Variants in ZRANB3 observed in about 807,000 individuals in gnomAD.
ZRANB3 encodes zinc finger RANBP2-type containing 3, also known as DNA annealing helicase and endonuclease ZRANB3.
A neutral mutation model predicts 133.8 loss-of-function variants in ZRANB3; 125 were observed. That is an observed-to-expected ratio of 0.93 (90% confidence interval 0.81 to 1.08). The LOEUF is 1.08. Ranked by LOEUF, ZRANB3 falls within the 50% of genes least tolerant of loss-of-function variation. The pLI is 0.00. For missense variants in ZRANB3, 1,229 were observed against 1,275.5 expected (o/e 0.96, Z 0.56); for synonymous variants, 387 against 432.7 (o/e 0.89, Z 1.31).
chr2:135,508,746 T>C (rs1693310555), intron 1 of ZRANB3, among the ~76,000 whole-genome samples: 1 of 152,078 alleles, frequency 6.6e-6, no homozygotes, highest in Non-Finnish European at 1.5e-5. Flanking sequence ...TTATAGGATC[T>C]AAAGTAAAAA....
intron 6 of ZRANB3, among the ~76,000 whole-genome samples, chr2:135,323,616 T>TC (rs2104836912): frequency 6.6e-6 from 1 of 152,214 alleles, no homozygotes; most frequent in African/African-American, 2.4e-5. Flanking sequence ...TTGGAGATCA[T>TC]CCCATCGGTC....
chr2:135,459,307 T>C (rs974026926), intron 2 of ZRANB3, among the ~76,000 whole-genome samples: 4 of 152,172 alleles, frequency 2.6e-5, no homozygotes, highest in African/African-American at 9.6e-5. Flanking sequence ...AAGTCACCAA[T>C]AGGCTTCTAA....
intron 2 of ZRANB3, among the ~76,000 whole-genome samples, chr2:135,420,222 TAG>T: frequency 6.6e-6 from 1 of 150,420 alleles, no homozygotes; most frequent in Non-Finnish European, 1.5e-5. Context: ...GAATAGGGAT[TAG>T]AGAGAGACTT....
At chr2:135,391,281 T>C (rs143028067) in intron 2 of ZRANB3, among the ~76,000 whole-genome samples, 1 of 152,326 alleles carries the variant, frequency 6.6e-6, no homozygotes, top group East Asian at 1.9e-4. Context: ...GCTGATTTTA[T>C]ATGACTCTCC....
chr2:135,322,218 G>A (rs1573907434), intron 6 of ZRANB3, among the ~76,000 whole-genome samples: 1 of 152,218 alleles, frequency 6.6e-6, no homozygotes, highest in Non-Finnish European at 1.5e-5. Flanking sequence ...ATATGTTCCA[G>A]TGATTTACAT....
rs1007692629 is a variant in ZRANB3, at chr2:135,260,619, ATATAC to A, written c.1539+4910_1539+4914del. On this transcript the variant is annotated intron_variant, in intron 12 of 20. Transcript: ENST00000264159. ...AGTATATATAGTATATATGTACTAT[ATATAC>A]TATACTATATGTACTATATATGTAC... Among the ~76,000 whole-genome samples the A allele has an allele frequency of 2.8e-4, 41 of 147,424 alleles. 1 individual carries two copies. The highest frequency in any genetic ancestry group is 1.0e-3 in the African/African-American group (41 of 40,580).
intron 2 of ZRANB3, among the ~76,000 whole-genome samples, chr2:135,460,464 A>G (rs1690714446): frequency 6.6e-6 from 1 of 152,050 alleles, no homozygotes; most frequent in African/African-American, 2.4e-5. Flanking sequence ...ATGAGGTTTC[A>G]CCATGTTGAA....
intron 2 of ZRANB3, among the ~76,000 whole-genome samples, chr2:135,398,089 G>A (rs1386625636): frequency 1.3e-5 from 2 of 151,722 alleles, no homozygotes; most frequent in African/African-American, 2.4e-5. Flanking sequence ...TTTTTGAGAT[G>A]GAGTCTCGCT....
intron 12 of ZRANB3, among the ~76,000 whole-genome samples, chr2:135,231,819 G>T (rs1418287560): frequency 6.6e-6 from 1 of 151,942 alleles, no homozygotes; most frequent in Non-Finnish European, 1.5e-5. Flanking sequence ...ACGGGGGATG[G>T]AGCCAAGATG....
chr2:135,464,382 T>A (rs1690893798), intron 2 of ZRANB3, among the ~76,000 whole-genome samples: 1 of 152,188 alleles, frequency 6.6e-6, no homozygotes, highest in Admixed American at 6.5e-5. Context: ...CAGGGATCCA[T>A]GTCACACTGT....
intron 13 of ZRANB3, 121 bp from the exon 14 acceptor site, chr2:135,228,136 C>T: frequency 1.2e-6 from 1 of 863,102 alleles, no homozygotes; most frequent in South Asian, 2.0e-5. Context: ...ATGTTCAAAA[C>T]ATTTATCAGG....
At chr2:135,444,605 T>A (rs1272184140) in intron 2 of ZRANB3, among the ~76,000 whole-genome samples, 2 of 151,912 alleles carry the variant, frequency 1.3e-5, no homozygotes, top group Non-Finnish European at 2.9e-5. Context: ...ATAGAAAAGG[T>A]AAACTGTAAA....
intron 2 of ZRANB3, among the ~76,000 whole-genome samples, chr2:135,433,674 A>G (rs1443438518): frequency 2.0e-5 from 3 of 152,258 alleles, no homozygotes; most frequent in South Asian, 2.1e-4. Flanking sequence ...CAACATGGCA[A>G]AACCCCGTCT....
Position 135,398,269 on chromosome 2 carries a change from T to C in ZRANB3, c.162-7449A>G, listed in dbSNP as rs375784644. Among the ~76,000 whole-genome samples, 28 of 151,832 alleles carry C rather than the reference T, an allele frequency of 1.8e-4. No individual in the cohort carries two copies. The East Asian group carries it at 5.5e-3, about 30-fold the overall frequency. On this transcript the variant is annotated intron_variant, in intron 2 of 20. Transcript: ENST00000264159. The stretch of plus-strand genomic sequence containing the variant: ...TTTTAGTAGAGACGGGGTTTCACCG[T>C]GTTAGCCAGGATGGTCTTGATCTCC...
At chr2:135,364,626 G>A (rs576831973) in intron 3 of ZRANB3, among the ~76,000 whole-genome samples, 1 of 151,528 alleles carries the variant, frequency 6.6e-6, no homozygotes, top group Non-Finnish European at 1.5e-5. Context: ...GCTCATGCCT[G>A]TAATCCTAGC....
At chr2:135,502,452 C>T (rs1692991563) in intron 2 of ZRANB3, among the ~76,000 whole-genome samples, 1 of 152,142 alleles carries the variant, frequency 6.6e-6, no homozygotes, top group Non-Finnish European at 1.5e-5. Context: ...TTTTATTTCA[C>T]CATTATGAAG....
chr2:135,517,802 T>C (rs924982274), intron 1 of ZRANB3, among the ~76,000 whole-genome samples: 1 of 152,172 alleles, frequency 6.6e-6, no homozygotes, highest in Non-Finnish European at 1.5e-5. Flanking sequence ...CTGGGAGATA[T>C]GCTGCTCTCT....
intron 7 of ZRANB3, 56 bp from the exon 8 acceptor site, chr2:135,313,661 T>A: frequency 8.9e-7 from 1 of 1,125,246 alleles, no homozygotes; most frequent in Non-Finnish European, 1.3e-6. Flanking sequence ...CAGAACAAAT[T>A]AATGCAATCA....
chr2:135,447,884 A>C (rs1690094113), intron 2 of ZRANB3, among the ~76,000 whole-genome samples: 1 of 152,158 alleles, frequency 6.6e-6, no homozygotes, highest in Non-Finnish European at 1.5e-5. Flanking sequence ...GACAGTGGTT[A>C]CTTATTCTAC....
Sources: gnomAD v4.1 joint callset for allele counts (sites outside exome capture counted in the v4.1 genomes callset) on GRCh38, gnomAD v4.1.1 for gene constraint, MANE v1.5 for transcripts, NCBI Gene and HGNC (gene_info 2026-07-23, HGNC 2026-07-21) for gene names.